SLC27A1: variants seen among roughly 807,000 people sequenced by gnomAD.
The protein encoded by SLC27A1 is long-chain fatty acid transport protein 1.
In SLC27A1, 61 loss-of-function variants were observed where a neutral mutation model predicts 62.2. The observed-to-expected ratio is 0.98, with a 90% CI of 0.80 to 1.21. The LOEUF (loss-of-function observed/expected upper bound fraction) is 1.21, where lower values mean the gene tolerates loss of function less well. SLC27A1 is among the 50% of genes most tolerant of loss of function. The pLI, the probability that SLC27A1 is intolerant of heterozygous loss-of-function variation, is 0.00. For synonymous variants in SLC27A1, 435 were observed against 408.6 expected (o/e 1.06, Z -0.78); for missense variants, 903 against 932.1 (o/e 0.97, Z 0.41).
At chr19:17,470,734 G>T in intron 1 of SLC27A1, 27 bp downstream of exon 1, 10 of 1,553,296 alleles carry the variant, frequency 6.4e-6, no homozygotes, top group Non-Finnish European at 8.6e-6. Flanking sequence ...TCCGTCCAGG[G>T]CTGGGGGCGG....
chr19:17,469,428 C>T (rs1376196146), upstream of SLC27A1, among the ~76,000 whole-genome samples: 1 of 152,000 alleles, frequency 6.6e-6, no homozygotes, highest in Non-Finnish European at 1.5e-5. Context: ...TTTTTGGTCC[C>T]CCGGGGTAGA....
Position 17,486,606 on chromosome 19 carries a change from C to CGGA in SLC27A1, c.211_212insGGA (p.His71delinsArgAsn). On this transcript the variant is annotated protein_altering_variant, in exon 2 of 12. Transcript: ENST00000252595. This position sits in a 1 kb window ranked among gnomAD's most constrained non-coding sequence, Gnocchi z 6.6. ...CCGCGTGCGCCTGGAGCTGCGGCGG[C>CGGA]ACCAGCGTGCCGGCCACACCATCCC... is the stretch of plus-strand genomic sequence containing the variant. 6.3e-7 allele frequency: 1 copy of CGGA among 1,594,558 alleles called. No individual in the cohort carries two copies. Among genetic ancestry groups the CGGA allele is most frequent in the Non-Finnish European group, 8.5e-7 (1 of 1,177,058 alleles).
chr19:17,473,106 TA>T (rs1267282630), intron 1 of SLC27A1, among the ~76,000 whole-genome samples: 2 of 152,178 alleles, frequency 1.3e-5, no homozygotes, highest in African/African-American at 4.8e-5. Context: ...CTAATTTTTT[TA>T]TTTTTTGTAG....
chr19:17,487,947 C>G lies in SLC27A1; in HGVS notation c.794+418C>G, dbSNP rs146411595. ...CCTCGGGCTCCTCCTGCTCCCCCCA[C>G]TCTCTCCTCCACCCACGATGGCCCA... On this transcript the variant is annotated intron_variant, in intron 4 of 11. Coordinates refer to ENST00000252595, the MANE Select transcript of SLC27A1 (RefSeq NM_198580.3). Among the ~76,000 whole-genome samples, 14 of 152,176 alleles carry G rather than the reference C, an allele frequency of 9.2e-5. No individual in the cohort carries two copies. The East Asian group carries it at 2.5e-3, about 27-fold the overall frequency.
intron 1 of SLC27A1, among the ~76,000 whole-genome samples, chr19:17,476,338 C>T (rs1770908537): frequency 6.6e-6 from 1 of 152,090 alleles, no homozygotes; most frequent in Non-Finnish European, 1.5e-5. Flanking sequence ...GAGTTCGAGA[C>T]TAGCCTGGCC....
intron 11 of SLC27A1, among the ~76,000 whole-genome samples, chr19:17,501,975 G>C (rs1485584189): frequency 2.0e-5 from 3 of 151,322 alleles, no homozygotes; most frequent in Non-Finnish European, 4.4e-5. Context: ...AATTAGCCAG[G>C]CATGGTGGCA....
chr19:17,475,591 G>A (rs184723652), intron 1 of SLC27A1, among the ~76,000 whole-genome samples: 3 of 152,314 alleles, frequency 2.0e-5, no homozygotes, highest in South Asian at 2.1e-4. Context: ...CAGAGGCACA[G>A]AGAGGGGAGG....
intron 11 of SLC27A1, among the ~76,000 whole-genome samples, chr19:17,504,170 G>C (rs2075448901): frequency 6.6e-6 from 1 of 152,140 alleles, no homozygotes; most frequent in Non-Finnish European, 1.5e-5. Context: ...TATTCACTGT[G>C]TAACAGACAC....
At chr19:17,504,379 G>A (rs1347314051) in intron 11 of SLC27A1, 76 bp from the exon 12 acceptor site, 8 of 1,562,046 alleles carry the variant, frequency 5.1e-6, no homozygotes, top group Non-Finnish European at 7.0e-6. Context: ...GTCCAGAGGT[G>A]CAGGAGAGGA....
At chr19:17,484,914 C>T (rs569808813) in intron 1 of SLC27A1, among the ~76,000 whole-genome samples, 12 of 152,144 alleles carry the variant, frequency 7.9e-5, no homozygotes, top group African/African-American at 2.9e-4. Context: ...AGGCAGTGGC[C>T]GGGCCAGGCT....
chr19:17,500,515 G>A lies in SLC27A1; in HGVS notation c.1354G>A (p.Gly452Ser), dbSNP rs1456508987. ...CCTAGGGGAGCCTGGCCTCCTTGTG[G>A]GTCAGATCAACCAACAGGACCCGCT... ...CQAGEPGLLVGQINQQDPLRR... is the reference protein window; with the variant it reads ...CQAGEPGLLVSQINQQDPLRR... Residue 452 changes from glycine (G) to serine (S), a missense_variant, in exon 9 of 12, where the codon GGT becomes AGT. Physicochemically the swap from Gly to Ser is moderately conservative, Grantham distance 56. Coordinates refer to ENST00000252595, the MANE Select transcript of SLC27A1 (RefSeq NM_198580.3). 3 of 1,613,620 alleles carry A rather than the reference G, an allele frequency of 1.9e-6. No individual in the cohort carries two copies. In the Admixed American group the frequency reaches 5.0e-5, roughly 27 times the overall value.
chr19:17,504,115 G>A (rs1429264359), intron 11 of SLC27A1, among the ~76,000 whole-genome samples: 1 of 152,054 alleles, frequency 6.6e-6, no homozygotes, highest in African/African-American at 2.4e-5. Context: ...ACAAAAACAG[G>A]TGGAGGGCCA....
intron 1 of SLC27A1, among the ~76,000 whole-genome samples, 169 bp downstream of exon 1, chr19:17,470,876 A>T (rs557764502): frequency 1.5e-5 from 2 of 136,862 alleles, no homozygotes; most frequent in South Asian, 4.7e-4. Flanking sequence ...GGGGCCTGAG[A>T]GGGTGACCAG....
chr19:17,477,583 A>G (rs11880132), intron 1 of SLC27A1, among the ~76,000 whole-genome samples: 79,296 of 141,704 alleles, frequency 0.56, 21,694 homozygotes, highest in African/African-American at 0.66. Context: ...ACAGGGTCTC[A>G]CTCTCATTGC....
intron 7 of SLC27A1, 70 bp from the exon 8 acceptor site, chr19:17,500,208 C>T: frequency 6.4e-7 from 1 of 1,571,698 alleles, no homozygotes; most frequent in Non-Finnish European, 8.6e-7. Flanking sequence ...CAGGGCAAGG[C>T]AGGCAAAGTG....
chr19:17,503,517 T>C (rs2075439247), intron 11 of SLC27A1: 1 of 151,926 alleles, frequency 6.6e-6, no homozygotes. Flanking sequence ...TGGAATGCAA[T>C]AATGCAATCA....
At chr19:17,480,239 G>T (rs1442612373) in intron 1 of SLC27A1, among the ~76,000 whole-genome samples, 1 of 151,916 alleles carries the variant, frequency 6.6e-6, no homozygotes, top group Non-Finnish European at 1.5e-5. Context: ...TGTTGGCCGG[G>T]CTGGTCTCGA....
At chr19:17,483,516 A>G (rs2075200538) in intron 1 of SLC27A1, among the ~76,000 whole-genome samples, 1 of 151,988 alleles carries the variant, frequency 6.6e-6, no homozygotes, top group African/African-American at 2.4e-5. Flanking sequence ...CATATCCCAA[A>G]AGTAGCCAGA....
At chr19:17,488,668 C>T in intron 4 of SLC27A1, 180 bp from the exon 5 acceptor site, 3 of 627,034 alleles carry the variant, frequency 4.8e-6, no homozygotes, top group Admixed American at 2.4e-5. Context: ...CTATTATATC[C>T]CTCGTGACAC....
Sources: gnomAD v4.1 joint callset for allele counts (sites outside exome capture counted in the v4.1 genomes callset) on GRCh38, gnomAD v4.1.1 for gene constraint, Gnocchi (gnomAD v3.1) non-coding constraint, MANE v1.5 for transcripts, NCBI Gene and HGNC (gene_info 2026-07-23, HGNC 2026-07-21) for gene names.